Variants in PDE4B observed in about 807,000 individuals in gnomAD.
The protein encoded by PDE4B is phosphodiesterase 4B, also known as 3',5'-cyclic-AMP phosphodiesterase 4B.
Under a neutral mutation model 82.2 loss-of-function variants are expected in PDE4B, and 20 were observed. The observed-to-expected ratio is 0.24, with a 90% CI of 0.17 to 0.35. The LOEUF (loss-of-function observed/expected upper bound fraction) is 0.35. PDE4B is among the 10% of genes least tolerant of loss of function. PDE4B has a pLI of 1.00. For synonymous variants in PDE4B, 320 were observed against 318.9 expected, an observed-to-expected ratio of 1.00 and a Z score of -0.04; for missense variants, 655 against 907.2, an observed-to-expected ratio of 0.72 and a Z score of 3.57.
intron 3 of PDE4B, among the ~76,000 whole-genome samples, chr1:66,220,833 GC>G (rs1650925612): frequency 6.6e-6 from 1 of 152,052 alleles, no homozygotes; most frequent in Admixed American, 6.6e-5. Flanking sequence ...TGAAAATGTT[GC>G]CAGGGCTCCA....
chr1:65,804,356 G>A (rs866211012), intron 1 of PDE4B, among the ~76,000 whole-genome samples: 12 of 152,192 alleles, frequency 7.9e-5, no homozygotes, highest in African/African-American at 2.9e-4. Context: ...TAGCTAAGAA[G>A]GAACAAAGGT....
chr1:66,011,638 G>T (rs565899061), intron 3 of PDE4B, among the ~76,000 whole-genome samples: 3 of 152,122 alleles, frequency 2.0e-5, no homozygotes, highest in Admixed American at 1.3e-4. Flanking sequence ...AAAATAATTG[G>T]CAAGTACATG....
chr1:66,178,464 T>G lies in PDE4B; in HGVS notation c.282-68996T>G, dbSNP rs140765078. Reference sequence around the variant, plus strand: ...AATACAACTTTTATAATTACTGATTTCTTGATTGCTAATGGCAGTGATTTT... The same window carrying G: ...AATACAACTTTTATAATTACTGATTGCTTGATTGCTAATGGCAGTGATTTT... On this transcript the variant is annotated intron_variant, in intron 3 of 16. Coordinates refer to ENST00000341517, the MANE Select transcript of PDE4B (RefSeq NM_002600.4). Among the ~76,000 whole-genome samples, 19 of 152,326 alleles carry G rather than the reference T, an allele frequency of 1.2e-4. 1 individual carries two copies. Among genetic ancestry groups the G allele is most frequent in the Admixed American group, 1.2e-3 (19 of 15,306 alleles).
chr1:66,208,059 T>C (rs992336370), intron 3 of PDE4B, among the ~76,000 whole-genome samples: 2 of 152,182 alleles, frequency 1.3e-5, no homozygotes, highest in Non-Finnish European at 2.9e-5. Context: ...CACAATTACA[T>C]GGTATATTTT....
intron 3 of PDE4B, among the ~76,000 whole-genome samples, chr1:65,949,061 T>C (rs1485837619): frequency 2.6e-5 from 4 of 152,090 alleles, no homozygotes; most frequent in Non-Finnish European, 5.9e-5. Context: ...ATTCTGAACT[T>C]GCTGTGGATT....
chr1:66,261,204 C>G (rs1420204128), intron 6 of PDE4B, among the ~76,000 whole-genome samples: 1 of 152,132 alleles, frequency 6.6e-6, no homozygotes, highest in Non-Finnish European at 1.5e-5. Flanking sequence ...CAGGGGCAGG[C>G]TGGAAAACTG....
At chr1:66,189,288 G>T (rs1220713165) in intron 3 of PDE4B, among the ~76,000 whole-genome samples, 1 of 151,900 alleles carries the variant, frequency 6.6e-6, no homozygotes, top group Non-Finnish European at 1.5e-5. Flanking sequence ...TTTCAACTTT[G>T]GTGAATCTGA....
chr1:66,265,699 C>CT (rs5774806), intron 6 of PDE4B, among the ~76,000 whole-genome samples: 59,190 of 151,668 alleles, frequency 0.39, 13,578 homozygotes, highest in Non-Finnish European at 0.52. Flanking sequence ...TCTGGCATTT[C>CT]GAGTGATGCC....
chr1:66,093,401 G>C (rs1051393554), intron 3 of PDE4B, among the ~76,000 whole-genome samples: 1 of 152,010 alleles, frequency 6.6e-6, no homozygotes, highest in East Asian at 1.9e-4. Flanking sequence ...AGTGTAAAAA[G>C]CATACCCTGG....
At chr1:65,824,353 T>TA (rs914702513) in intron 1 of PDE4B, among the ~76,000 whole-genome samples, 6 of 151,970 alleles carry the variant, frequency 3.9e-5, no homozygotes, top group Admixed American at 2.6e-4. Flanking sequence ...ATAGATACAT[T>TA]AAAAAAATTC....
At chr1:66,084,299 G>A (rs1460452988) in intron 3 of PDE4B, among the ~76,000 whole-genome samples, 3 of 152,114 alleles carry the variant, frequency 2.0e-5, no homozygotes, top group African/African-American at 7.2e-5. Context: ...CTTACAAAAT[G>A]TATTGTTCAG....
chr1:66,315,124 A>G lies in PDE4B; in HGVS notation c.635-17384A>G, dbSNP rs115979077. 5.3e-3 allele frequency among the ~76,000 whole-genome samples: 811 copies of G among 152,338 alleles called. 4 individuals are homozygous for G. Among genetic ancestry groups the G allele is most frequent in the African/African-American group, 0.018 (754 of 41,574 alleles). On this transcript the variant is annotated intron_variant, in intron 7 of 16. Coordinates refer to ENST00000341517, the MANE Select transcript of PDE4B (RefSeq NM_002600.4). ...CACTTGTTCTGTCATCTATAAATTA[A>G]TGATAACAAATCTATCTCACAAGGT... is the stretch of plus-strand genomic sequence containing the variant.
intron 3 of PDE4B, among the ~76,000 whole-genome samples, chr1:66,192,602 G>A (rs1647918109): frequency 6.6e-6 from 1 of 152,082 alleles, no homozygotes; most frequent in South Asian, 2.1e-4. Context: ...CACCTGTGAG[G>A]TTCTCAAGAA....
chr1:65,850,890 T>C (rs539652993), intron 1 of PDE4B, among the ~76,000 whole-genome samples: 2 of 152,178 alleles, frequency 1.3e-5, no homozygotes, highest in Non-Finnish European at 2.9e-5. Flanking sequence ...GTAACAAATA[T>C]TTTCTTTCAT....
chr1:66,347,350 T>C (rs374031895), intron 8 of PDE4B, among the ~76,000 whole-genome samples: 1 of 152,226 alleles, frequency 6.6e-6, no homozygotes, highest in Non-Finnish European at 1.5e-5. Context: ...AATTTATGTC[T>C]ATTTTATGTT....
chr1:65,925,290 A>G (rs1162005701), intron 3 of PDE4B, among the ~76,000 whole-genome samples: 3 of 152,186 alleles, frequency 2.0e-5, no homozygotes, highest in African/African-American at 7.2e-5. Context: ...TGTTGTATGT[A>G]ACAAACCTGC....
At chr1:65,850,192 G>T (rs185063143) in intron 1 of PDE4B, among the ~76,000 whole-genome samples, 1 of 149,018 alleles carries the variant, frequency 6.7e-6, no homozygotes, top group East Asian at 2.0e-4. Flanking sequence ...TGCCTCTCAG[G>T]TTCAAGTGAT....
intron 1 of PDE4B, among the ~76,000 whole-genome samples, chr1:65,821,781 C>T (rs563765203): frequency 9.8e-5 from 15 of 152,310 alleles, no homozygotes; most frequent in African/African-American, 3.4e-4. Flanking sequence ...TAAGAATCAA[C>T]TGTAGAGTCT....
Position 66,315,199 on chromosome 1 carries a change from G to T in PDE4B, c.635-17309G>T, listed in dbSNP as rs988517073. Among the ~76,000 whole-genome samples, 3 of 152,196 alleles carry T rather than the reference G, an allele frequency of 2.0e-5. 1 individual carries two copies. The highest frequency in any genetic ancestry group is 7.2e-5 in the African/African-American group (3 of 41,446). ...GTTCAGGGTTGACTATCAGTTGATG[G>T]TTGCAATGATTAGCATTATTTTTAT... On this transcript the variant is annotated intron_variant, in intron 7 of 16. Transcript: ENST00000341517.
Sources: allele counts gnomAD v4.1 joint callset (sites outside exome capture counted in the v4.1 genomes callset), GRCh38; gene constraint gnomAD v4.1.1; transcripts MANE v1.5; gene names NCBI Gene and HGNC (gene_info 2026-07-23, HGNC 2026-07-21).